Variants in SUMF1 observed in about 807,000 individuals in gnomAD.
SUMF1 encodes formylglycine-generating enzyme.
A neutral mutation model predicts 47.6 loss-of-function variants in SUMF1; 48 were observed. The ratio of observed to expected loss-of-function variants is 1.01; its 90% CI spans 0.80 to 1.28. SUMF1 has a LOEUF of 1.28. Ranked by LOEUF, SUMF1 falls within the 50% of genes most tolerant of loss-of-function variation. The pLI, the probability that SUMF1 is intolerant of heterozygous loss-of-function variation, is 0.00. For synonymous variants in SUMF1, 230 were observed against 192.1 expected, an observed-to-expected ratio of 1.20 and a Z score of -1.63; for missense variants, 571 against 485.4, an observed-to-expected ratio of 1.18 and a Z score of -1.66.
At chr3:4,034,687 G>A (rs960345216) in intron 9 of SUMF1, among the ~76,000 whole-genome samples, 14 of 152,034 alleles carry the variant, frequency 9.2e-5, no homozygotes, top group East Asian at 3.9e-4. Flanking sequence ...CAGGCTCCAT[G>A]AGAAGTACTG....
At chr3:4,437,885 G>C (rs1021215603) in intron 3 of SUMF1, among the ~76,000 whole-genome samples, 4 of 152,146 alleles carry the variant, frequency 2.6e-5, no homozygotes, top group African/African-American at 9.7e-5. Context: ...ATTGCAGTGA[G>C]CTGAGATCGT....
chr3:4,442,959 A>C (rs1159602526), intron 3 of SUMF1, among the ~76,000 whole-genome samples: 1 of 152,166 alleles, frequency 6.6e-6, no homozygotes, highest in Non-Finnish European at 1.5e-5. Flanking sequence ...TCAAAAAAAA[A>C]AAAAAATCAC....
At chr3:4,177,271 T>C (rs927957572) in intron 8 of SUMF1, among the ~76,000 whole-genome samples, 6 of 152,140 alleles carry the variant, frequency 3.9e-5, no homozygotes, top group Admixed American at 3.3e-4. Context: ...TATTCTAAAA[T>C]TGACCACATA....
At chr3:4,109,053 T>C (rs568932515) in intron 8 of SUMF1, among the ~76,000 whole-genome samples, 142 of 152,278 alleles carry the variant, frequency 9.3e-4, no homozygotes, top group Non-Finnish European at 1.8e-3. Context: ...GTTTTTGCAG[T>C]GGCCGATACC....
chr3:4,055,718 C>A (rs927529865), intron 9 of SUMF1, among the ~76,000 whole-genome samples: 3 of 152,250 alleles, frequency 2.0e-5, no homozygotes, highest in Non-Finnish European at 4.4e-5. Context: ...ATCCTCCTGT[C>A]TTGGCCTCCC....
At chr3:4,077,719 T>C (rs1259514423) in intron 8 of SUMF1, among the ~76,000 whole-genome samples, 1 of 152,068 alleles carries the variant, frequency 6.6e-6, no homozygotes, top group Non-Finnish European at 1.5e-5. Flanking sequence ...GTCGAGTTCA[T>C]GGGTGCCGCA....
Position 4,255,902 on chromosome 3 carries a change from T to C in SUMF1, c.1014+120428A>G, listed in dbSNP as rs551858902. Among the ~76,000 whole-genome samples, 676 of 105,782 alleles carry C rather than the reference T, an allele frequency of 6.4e-3. 15 individuals are homozygous for C. The highest frequency in any genetic ancestry group is 0.028 in the African/African-American group (634 of 22,450). 69.4% of individuals were successfully genotyped at this position (105,782 alleles called of 152,430 possible). On this transcript the variant is annotated intron_variant and NMD_transcript_variant, in intron 8 of 12. Coordinates refer to the SUMF1 transcript ENST00000448413. The stretch of plus-strand genomic sequence containing the variant: ...TCAGCAAATGTAAAAGAACAGAAAT[T>C]ATAACAAACTATCTCTCAGACCACA...
At chr3:4,360,864 A>C (rs569363464), downstream of SUMF1, among the ~76,000 whole-genome samples, 1 of 152,322 alleles carries the variant, frequency 6.6e-6, no homozygotes. Context: ...CTTTCCCGGC[A>C]TGGGAAGCAA....
intron 8 of SUMF1, among the ~76,000 whole-genome samples, chr3:4,350,843 AC>A (rs539479443): frequency 1.3e-5 from 2 of 151,270 alleles, no homozygotes; most frequent in South Asian, 2.1e-4. Flanking sequence ...AAAATTTTGC[AC>A]CCCCTCCCTT....
chr3:4,319,333 A>C (rs1698770479), intron 8 of SUMF1, among the ~76,000 whole-genome samples: 1 of 152,222 alleles, frequency 6.6e-6, no homozygotes, highest in African/African-American at 2.4e-5. Flanking sequence ...GTTGCCATGA[A>C]AGAAGTATTT....
rs147172422 is a variant in SUMF1 at position 4,374,189 on chromosome 3, C to T, written c.1014+2141G>A. 5.9e-3 allele frequency among the ~76,000 whole-genome samples: 902 copies of T among 152,222 alleles called. 3 individuals are homozygous for T. Among genetic ancestry groups the T allele is most frequent in the Middle Eastern group, 0.041 (12 of 294 alleles). ...CTATACTGAAGGTTCTAGCCAATGA[C>T]ATACAGCAAGAAAAAGTTATAAAAG... On this transcript the variant is annotated intron_variant, in intron 8 of 8. Transcript: ENST00000272902.
At chr3:4,384,573 T>C (rs1252410635) in intron 7 of SUMF1, among the ~76,000 whole-genome samples, 1 of 152,208 alleles carries the variant, frequency 6.6e-6, no homozygotes, top group African/African-American at 2.4e-5. Flanking sequence ...ATAAGTGGAA[T>C]CATACAGTAT....
intron 8 of SUMF1, among the ~76,000 whole-genome samples, chr3:4,349,944 CG>C (rs956001046): frequency 2.1e-5 from 3 of 142,688 alleles, no homozygotes; most frequent in Non-Finnish European, 3.0e-5. Flanking sequence ...TACATGCATC[CG>C]GTTTTTTTTT....
At chr3:4,064,271 T>TGCTCATTATATGCTAACTATA (rs1553593500) in intron 9 of SUMF1, among the ~76,000 whole-genome samples, 23,711 of 151,768 alleles carry the variant, frequency 0.16, 2,327 homozygotes, top group East Asian at 0.27. Flanking sequence ...AAGTGACCAC[T>TGCTCATTATATGCTAACTATA]GATCATCCTC....
intron 5 of SUMF1, among the ~76,000 whole-genome samples, chr3:4,417,507 T>C (rs192278005): frequency 1.4e-3 from 214 of 152,338 alleles, no homozygotes; most frequent in Admixed American, 3.7e-3. Context: ...GAAGGACTTA[T>C]AGAAAGCTGG....
At chr3:4,259,420 G>A (rs1697036917) in intron 8 of SUMF1, among the ~76,000 whole-genome samples, 1 of 152,152 alleles carries the variant, frequency 6.6e-6, no homozygotes, top group African/African-American at 2.4e-5. Context: ...GGAATCTGCA[G>A]TTATATAAGA....
At chr3:4,296,214 A>C (rs1697847097) in intron 8 of SUMF1, among the ~76,000 whole-genome samples, 1 of 150,446 alleles carries the variant, frequency 6.6e-6, no homozygotes, top group Admixed American at 6.7e-5. Context: ...GAAATTTCTT[A>C]TTTTGTACTA....
chr3:4,405,082 C>T (rs918355097), intron 7 of SUMF1, among the ~76,000 whole-genome samples: 2 of 152,060 alleles, frequency 1.3e-5, no homozygotes, highest in African/African-American at 2.4e-5. Context: ...TGGTGGGAGG[C>T]CAGAGGATCA....
chr3:4,075,886 T>A (rs1296044774), intron 8 of SUMF1, among the ~76,000 whole-genome samples: 5 of 152,054 alleles, frequency 3.3e-5, no homozygotes, highest in Admixed American at 2.0e-4. Flanking sequence ...ATAGAAAGAA[T>A]TAATATCATG....
Sources: allele counts gnomAD v4.1 joint callset (sites outside exome capture counted in the v4.1 genomes callset), GRCh38; gene constraint gnomAD v4.1.1; transcripts MANE v1.5; gene names NCBI Gene and HGNC (gene_info 2026-07-23, HGNC 2026-07-21).